The following COL19A1 variants were observed in gnomAD, a reference collection of about 807,000 sequenced individuals.
COL19A1 encodes collagen alpha-1(XIX) chain.
Under a neutral mutation model 190.2 loss-of-function variants are expected in COL19A1, and 159 were observed. The observed-to-expected ratio is 0.84, with a 90% CI of 0.73 to 0.95. COL19A1 has a LOEUF of 0.95. Among genes scored for constraint, COL19A1 ranks in the 40% least tolerant of loss-of-function variants. The pLI, the probability that COL19A1 is intolerant of heterozygous loss-of-function variation, is 0.00. For missense variants in COL19A1, 1,418 were observed against 1,431.9 expected (o/e 0.99, Z 0.16); for synonymous variants, 509 against 458.9 (o/e 1.11, Z -1.39).
At chr6:70,194,022 G>A (rs1767040469) in intron 48 of COL19A1, among the ~76,000 whole-genome samples, 1 of 152,244 alleles carries the variant, frequency 6.6e-6, no homozygotes. Context: ...AACTGCTACA[G>A]TTAAGTAGCA....
At chr6:69,941,652 T>C (rs984457211) in intron 9 of COL19A1, among the ~76,000 whole-genome samples, 34 of 152,016 alleles carry the variant, frequency 2.2e-4, no homozygotes, top group Middle Eastern at 6.4e-3. Context: ...TCCAATATTA[T>C]CTGTATCTGA....
At chr6:70,149,041 G>A (rs1245693652) in intron 27 of COL19A1, among the ~76,000 whole-genome samples, 1 of 151,976 alleles carries the variant, frequency 6.6e-6, no homozygotes, top group African/African-American at 2.4e-5. Flanking sequence ...CAAGAGCAGT[G>A]ATATGAATAT....
chr6:70,149,568 C>A, intron 27 of COL19A1, 136 bp from the exon 28 acceptor site: 2 of 1,025,408 alleles, frequency 2.0e-6, no homozygotes, highest in Non-Finnish European at 2.8e-6. Context: ...GCCGACTTTG[C>A]AGTTTTCCAC....
intron 49 of COL19A1, among the ~76,000 whole-genome samples, chr6:70,200,711 C>T (rs583619): frequency 0.34 from 51,444 of 151,736 alleles, 9,514 homozygotes; most frequent in African/African-American, 0.5. Context: ...GCCTCATTTT[C>T]TGAAGTGTCC....
chr6:69,867,639 T>G (rs1767556531), intron 1 of COL19A1: 1 of 150,168 alleles, frequency 6.7e-6, no homozygotes, highest in Admixed American at 6.6e-5. Flanking sequence ...GGCGGGCGCG[T>G]AAGCGAACCC....
At chr6:70,132,815 AT>A (rs1419082433) in intron 18 of COL19A1, among the ~76,000 whole-genome samples, 15 of 152,188 alleles carry the variant, frequency 9.9e-5, no homozygotes, top group African/African-American at 3.4e-4. Flanking sequence ...CAAAAAGTTG[AT>A]TGTGGCATTA....
chr6:69,932,345 G>A (rs1238540671), intron 6 of COL19A1, among the ~76,000 whole-genome samples: 1 of 151,882 alleles, frequency 6.6e-6, no homozygotes, highest in African/African-American at 2.4e-5. Flanking sequence ...CTATTTCAGT[G>A]CCTCAAATAG....
At chr6:70,169,569 A>C (rs762064525) in intron 40 of COL19A1, among the ~76,000 whole-genome samples, 1 of 152,194 alleles carries the variant, frequency 6.6e-6, no homozygotes, top group Non-Finnish European at 1.5e-5. Context: ...CATATTTTAA[A>C]GAGATGCATT....
rs763922758 is a variant in COL19A1, at chr6:70,150,033, C to A, written c.2025C>A (p.Pro675=). The A allele has an allele frequency of 1.9e-6, 3 of 1,613,612 alleles. No homozygotes were observed. ...ATGGAAAGCCAGGCCTGCCAGGCCC[C>A]CCAGGTGACCCGGTATGTAGACAAA... is the stretch of plus-strand genomic sequence containing the variant. ...GRDGKPGLPG[P]PGDPIALPLL... The change falls in exon 30 of 51, where the codon CCC becomes CCA. Residue 675 remains proline, a synonymous_variant. Coordinates refer to ENST00000620364, the MANE Select transcript of COL19A1 (RefSeq NM_001858.6).
At chr6:70,072,618 C>G (rs1483562820) in intron 15 of COL19A1, among the ~76,000 whole-genome samples, 5 of 152,172 alleles carry the variant, frequency 3.3e-5, no homozygotes, top group African/African-American at 1.2e-4. Flanking sequence ...CAACCATCCT[C>G]TTGATTGCCT....
rs1562275210 is a variant in COL19A1, at chr6:70,210,779, C to G, written c.*3505C>G. On this transcript the variant is annotated 3_prime_UTR_variant, in exon 51 of 51. Coordinates refer to ENST00000620364, the MANE Select transcript of COL19A1 (RefSeq NM_001858.6). ...ACTAAATCAGACTCTTGCCTTTGCACTTTTTTTTAACTTTTGTAGATAATT... is the reference window on the plus strand; with the variant it reads ...ACTAAATCAGACTCTTGCCTTTGCAGTTTTTTTTAACTTTTGTAGATAATT... 6.6e-6 allele frequency among the ~76,000 whole-genome samples: 1 copy of G among 151,882 alleles called. No homozygotes were observed. The highest frequency in any genetic ancestry group is 1.5e-5 in the Non-Finnish European group (1 of 67,916).
chr6:69,932,765 T>C lies in COL19A1; in HGVS notation c.667-18T>C. 1 of 1,495,934 alleles carries C rather than the reference T, an allele frequency of 6.7e-7. No individual in the cohort carries two copies. Among genetic ancestry groups the C allele is most frequent in the Non-Finnish European group, 9.2e-7 (1 of 1,082,854 alleles). The allele number at this position is 1,495,934 out of a possible 1,614,324, so 92.7% of individuals were successfully genotyped here. ...TCCAAAAAACTAAAGATGTTTCTTA[T>C]TACTAATTTTTTCATAGATTGAACT... On this transcript the variant is annotated intron_variant, in intron 6 of 50. Transcript: ENST00000620364.
At chr6:69,946,502 A>G (rs1773815491) in intron 9 of COL19A1, among the ~76,000 whole-genome samples, 1 of 151,988 alleles carries the variant, frequency 6.6e-6, no homozygotes, top group Non-Finnish European at 1.5e-5. Flanking sequence ...GTCTAGTTTT[A>G]GTTATGATTA....
rs1194501576 is a variant in COL19A1 at position 70,209,857 on chromosome 6, G to C, written c.*2583G>C. On this transcript the variant is annotated 3_prime_UTR_variant, in exon 51 of 51. Coordinates refer to ENST00000620364, the MANE Select transcript of COL19A1 (RefSeq NM_001858.6). Reference sequence around the variant, plus strand: ...GCAACAAAGGGCAGCAAGAAATGCTGGGTCCACCTAATTTAACACAAAATG... The same window carrying C: ...GCAACAAAGGGCAGCAAGAAATGCTCGGTCCACCTAATTTAACACAAAATG... The C allele has an allele frequency of 1.3e-5, 2 of 152,168 alleles. No homozygotes were observed. The highest frequency in any genetic ancestry group is 2.9e-5 in the Non-Finnish European group (2 of 68,034). 9.4% of individuals were successfully genotyped at this position (152,168 alleles called of 1,614,324 possible). A position where few individuals can be genotyped will look rare whatever the true frequency, so the allele number is the denominator to read the frequency against.
chr6:70,074,787 G>C (rs1380379974), intron 15 of COL19A1, among the ~76,000 whole-genome samples: 1 of 147,234 alleles, frequency 6.8e-6, no homozygotes, highest in Admixed American at 6.6e-5. Flanking sequence ...TTATCTTTAT[G>C]TGTCAAAACT....
chr6:69,878,367 C>A (rs1768276439), intron 1 of COL19A1, among the ~76,000 whole-genome samples: 1 of 151,948 alleles, frequency 6.6e-6, no homozygotes, highest in African/African-American at 2.4e-5. Flanking sequence ...GTGCCCGCCA[C>A]CGTGCCTGAC....
intron 11 of COL19A1, among the ~76,000 whole-genome samples, chr6:70,002,209 C>T (rs951956938): frequency 3.3e-5 from 5 of 152,084 alleles, no homozygotes; most frequent in South Asian, 2.1e-4. Context: ...ATCCCAGGGA[C>T]GAAGCCAACT....
At chr6:69,908,382 C>T (rs1770697221) in intron 4 of COL19A1, among the ~76,000 whole-genome samples, 1 of 152,148 alleles carries the variant, frequency 6.6e-6, no homozygotes, top group Admixed American at 6.5e-5. Flanking sequence ...GACTTAGTTA[C>T]AAAGTTGTCC....
intron 11 of COL19A1, among the ~76,000 whole-genome samples, chr6:69,966,197 G>A (rs1223530491): frequency 1.3e-5 from 2 of 151,868 alleles, no homozygotes; most frequent in East Asian, 3.9e-4. Context: ...GGAGGTGGGG[G>A]GCACCTCTGC....
Sources: gnomAD v4.1 joint callset for allele counts (sites outside exome capture counted in the v4.1 genomes callset) on GRCh38, gnomAD v4.1.1 for gene constraint, MANE v1.5 for transcripts, NCBI Gene and HGNC (gene_info 2026-07-23, HGNC 2026-07-21) for gene names.